The following FRMD5 variants were observed in gnomAD, a reference collection of about 807,000 sequenced individuals.
FRMD5 encodes the protein FERM domain-containing protein 5.
Under a neutral mutation model 69.0 loss-of-function variants are expected in FRMD5, and 20 were observed. The observed-to-expected ratio is 0.29, with a 90% CI of 0.20 to 0.42. FRMD5 has a LOEUF of 0.42. Among genes scored for constraint, FRMD5 ranks in the 10% least tolerant of loss-of-function variants. The probability of loss-of-function intolerance (pLI) is 1.00; values close to 1 mark genes in which losing one functional copy is unlikely to be tolerated. For missense variants in FRMD5, 595 were observed against 708.6 expected (o/e 0.84, Z 1.82); for synonymous variants, 271 against 260.1 (o/e 1.04, Z -0.40).
At chr15:43,999,947 GCCATGCATATATATATATATATA>G (rs1566889746) in intron 1 of FRMD5, among the ~76,000 whole-genome samples, 4 of 97,882 alleles carry the variant, frequency 4.1e-5, no homozygotes, top group African/African-American at 1.9e-4. Context: ...ATATATATAT[GCCATGCATATATATATATATATA>G]TATATATATA....
intron 1 of FRMD5, among the ~76,000 whole-genome samples, chr15:44,009,196 T>C (rs1366194010): frequency 6.6e-6 from 1 of 152,210 alleles, no homozygotes; most frequent in African/African-American, 2.4e-5. Context: ...TTGCCTCAGC[T>C]CACACTATCT....
At chr15:43,926,361 G>A (rs2089585768) in intron 1 of FRMD5, among the ~76,000 whole-genome samples, 1 of 152,190 alleles carries the variant, frequency 6.6e-6, no homozygotes, top group African/African-American at 2.4e-5. Context: ...ACAAATTGAG[G>A]TTGTATGAGG....
chr15:43,907,689 G>A (rs1428810188), intron 5 of FRMD5, among the ~76,000 whole-genome samples: 1 of 152,134 alleles, frequency 6.6e-6, no homozygotes, highest in African/African-American at 2.4e-5. Context: ...TGTATTTTTA[G>A]GAGAGACGGG....
chr15:44,127,694 C>G (rs942762899), intron 1 of FRMD5, among the ~76,000 whole-genome samples: 1 of 151,968 alleles, frequency 6.6e-6, no homozygotes, highest in African/African-American at 2.4e-5. Flanking sequence ...GGCAACATGG[C>G]GAAACCTCAT....
chr15:44,099,061 G>T (rs892254688), intron 1 of FRMD5, among the ~76,000 whole-genome samples: 3 of 152,136 alleles, frequency 2.0e-5, no homozygotes, highest in Non-Finnish European at 4.4e-5. Context: ...TGTTCAGGCT[G>T]GGTGTTACAT....
intron 1 of FRMD5, among the ~76,000 whole-genome samples, chr15:44,147,878 G>C (rs1230492217): frequency 6.6e-6 from 1 of 152,142 alleles, no homozygotes. Context: ...CCTACTCCTG[G>C]AGCTGCTTGC....
At chr15:44,017,180 T>C (rs1252884404) in intron 1 of FRMD5, among the ~76,000 whole-genome samples, 1 of 151,826 alleles carries the variant, frequency 6.6e-6, no homozygotes, top group Non-Finnish European at 1.5e-5. Context: ...CTACTAAAAA[T>C]ACAAAAAATT....
intron 1 of FRMD5, among the ~76,000 whole-genome samples, chr15:43,934,103 C>T (rs1178678349): frequency 6.6e-6 from 1 of 152,202 alleles, no homozygotes; most frequent in Non-Finnish European, 1.5e-5. Flanking sequence ...TCAAGACCAG[C>T]CTTCTCCTTT....
At chr15:44,139,304 C>CT (rs1360196671) in intron 1 of FRMD5, among the ~76,000 whole-genome samples, 5 of 150,366 alleles carry the variant, frequency 3.3e-5, no homozygotes, top group Admixed American at 1.3e-4. Flanking sequence ...TCTCTACACA[C>CT]ACACACACAC....
In FRMD5 at chr15:43,888,905, T is replaced by C. The variant is rs776013768; in HGVS notation, c.729-33A>G. 7 of 1,595,396 alleles carry C rather than the reference T, an allele frequency of 4.4e-6. No homozygotes were observed. The East Asian group carries it at 6.7e-5, about 15-fold the overall frequency. On this transcript the variant is annotated intron_variant, in intron 8 of 13. Transcript: ENST00000417257. ...CACAAAGATAGTGCCTGTCACCTCA[T>C]TGTGGGCTGCTTGTTCACAGCTAAA...
intron 1 of FRMD5, 70 bp from the exon 2 acceptor site, chr15:43,924,379 C>A: frequency 9.5e-7 from 1 of 1,057,312 alleles, no homozygotes; most frequent in Admixed American, 2.0e-5. Flanking sequence ...TTTTTTATAG[C>A]CATTAAAAGT....
chr15:44,013,947 C>G (rs554820657), intron 1 of FRMD5, among the ~76,000 whole-genome samples: 37 of 151,856 alleles, frequency 2.4e-4, no homozygotes, highest in South Asian at 4.2e-4. Flanking sequence ...AGCTCCACCC[C>G]CTGGGTTCAC....
At chr15:44,064,612 A>T (rs1893234374) in intron 1 of FRMD5, among the ~76,000 whole-genome samples, 1 of 152,082 alleles carries the variant, frequency 6.6e-6, no homozygotes, top group African/African-American at 2.4e-5. Context: ...AAAACAAAAC[A>T]CATTGCCTCT....
chr15:44,023,288 G>A (rs577223228), intron 1 of FRMD5, among the ~76,000 whole-genome samples: 83 of 152,262 alleles, frequency 5.5e-4, no homozygotes, highest in African/African-American at 1.8e-3. Context: ...GTTGTTACAG[G>A]AATTGCTTGC....
rs143655060 is a variant in FRMD5, at chr15:43,871,226, A to G, written c.*2659T>C. 35 of 152,356 alleles carry G rather than the reference A, an allele frequency of 2.3e-4. No homozygotes were observed. The highest frequency in any genetic ancestry group is 7.9e-4 in the African/African-American group (33 of 41,588). The allele number at this position is 152,356 out of a possible 1,614,324, so 9.4% of individuals were successfully genotyped here. On this transcript the variant is annotated 3_prime_UTR_variant, in exon 14 of 14. Coordinates refer to ENST00000417257, the MANE Select transcript of FRMD5 (RefSeq NM_032892.5). ...AAAGCAAACTGAAGGAAACTTTTCT[A>G]TCCATATTTTCTGGGATGAGCCCTG...
chr15:44,050,659 T>C (rs1255508168), intron 1 of FRMD5, among the ~76,000 whole-genome samples: 1 of 144,560 alleles, frequency 6.9e-6, no homozygotes, highest in Non-Finnish European at 1.5e-5. Flanking sequence ...CACTGGCCTT[T>C]TTTTTTTTTC....
chr15:43,887,909 C>T (rs929030439), intron 10 of FRMD5, among the ~76,000 whole-genome samples: 4 of 152,256 alleles, frequency 2.6e-5, no homozygotes, highest in Non-Finnish European at 1.5e-5. Flanking sequence ...ATCATGCCCT[C>T]AGTGGGCCAT....
intron 1 of FRMD5, among the ~76,000 whole-genome samples, chr15:43,949,844 G>C (rs937242223): frequency 1.3e-5 from 2 of 152,032 alleles, no homozygotes; most frequent in Admixed American, 1.3e-4. Flanking sequence ...CTCTCAAGTC[G>C]TGCTGCATAC....
chr15:43,968,136 C>G (rs2090323397), intron 1 of FRMD5, among the ~76,000 whole-genome samples: 1 of 151,968 alleles, frequency 6.6e-6, no homozygotes, highest in South Asian at 2.1e-4. Context: ...TGTATGAACT[C>G]CCACATACTT....
Sources: allele counts gnomAD v4.1 joint callset (sites outside exome capture counted in the v4.1 genomes callset), GRCh38; gene constraint gnomAD v4.1.1; transcripts MANE v1.5; gene names NCBI Gene and HGNC (gene_info 2026-07-23, HGNC 2026-07-21).